The following ADCY5 variants were observed in gnomAD, a reference collection of about 807,000 sequenced individuals.
ADCY5 encodes the protein adenylate cyclase 5.
A neutral mutation model predicts 119.7 loss-of-function variants in ADCY5; 30 were observed. The ratio of observed to expected loss-of-function variants is 0.25; its 90% confidence interval spans 0.19 to 0.34. The LOEUF (loss-of-function observed/expected upper bound fraction) is 0.34, where lower values mean the gene tolerates loss of function less well. Ranked by LOEUF, ADCY5 falls within the 10% of genes least tolerant of loss-of-function variation. The probability of loss-of-function intolerance (pLI) is 1.00; values close to 1 mark genes in which losing one functional copy is unlikely to be tolerated. For missense variants in ADCY5, 1,324 were observed against 1,775.2 expected (o/e 0.75, Z 4.57); for synonymous variants, 753 against 762.2 (o/e 0.99, Z 0.20).
intron 1 of ADCY5, among the ~76,000 whole-genome samples, chr3:123,378,174 T>C (rs1324578820): frequency 2.6e-5 from 4 of 152,074 alleles, no homozygotes; most frequent in African/African-American, 9.7e-5. Flanking sequence ...AGCACCCACG[T>C]GGTCACTCAA....
At chr3:123,336,810 C>G (rs942891508) in intron 3 of ADCY5, among the ~76,000 whole-genome samples, 12 of 152,164 alleles carry the variant, frequency 7.9e-5, no homozygotes, top group African/African-American at 2.9e-4. Flanking sequence ...CCCTGCTGGA[C>G]CTTGGCAAGC....
chr3:123,373,772 G>T (rs9869970), intron 1 of ADCY5, among the ~76,000 whole-genome samples: 2 of 48,362 alleles, frequency 4.1e-5, no homozygotes, highest in Admixed American at 4.5e-4. Flanking sequence ...CCCCCCCCCC[G>T]ACCCCCCCGC....
At chr3:123,426,490 A>T (rs972141499) in intron 1 of ADCY5, among the ~76,000 whole-genome samples, 2 of 151,144 alleles carry the variant, frequency 1.3e-5, no homozygotes, top group Non-Finnish European at 2.9e-5. Context: ...AGCCAGGCTA[A>T]TTTTTTTTAA....
chr3:123,427,822 T>C (rs1168195397), intron 1 of ADCY5, among the ~76,000 whole-genome samples: 2 of 152,230 alleles, frequency 1.3e-5, no homozygotes, highest in African/African-American at 2.4e-5. Flanking sequence ...ATTTACAGGT[T>C]TGCTGTTGAG....
At chr3:123,300,855 T>G (rs945041356) in intron 14 of ADCY5, among the ~76,000 whole-genome samples, 6 of 152,230 alleles carry the variant, frequency 3.9e-5, no homozygotes, top group African/African-American at 1.4e-4. Flanking sequence ...CTAGTTATCA[T>G]CTTTATCCTG....
chr3:123,347,654 C>T, intron 3 of ADCY5, 128 bp downstream of exon 3: 1 of 1,249,950 alleles, frequency 8.0e-7, no homozygotes, highest in Non-Finnish European at 1.1e-6. Context: ...CTGGCATGCT[C>T]TAGATGACAC....
intron 1 of ADCY5, 80 bp downstream of exon 1, chr3:123,447,332 G>A (rs1945836950): frequency 1.5e-6 from 2 of 1,368,238 alleles, no homozygotes; most frequent in Middle Eastern, 2.5e-4. Flanking sequence ...GAAAGGGTGA[G>A]GGTGGGATCC....
chr3:123,370,832 C>T (rs1016350832), intron 1 of ADCY5, among the ~76,000 whole-genome samples: 3 of 152,110 alleles, frequency 2.0e-5, no homozygotes, highest in Admixed American at 6.5e-5. Context: ...CGTTCCTCCC[C>T]CACTTCCTCC....
Position 123,286,146 on chromosome 3 carries a change from A to T in ADCY5, c.3657+539T>A, listed in dbSNP as rs1246733418. Among the ~76,000 whole-genome samples the T allele has an allele frequency of 6.6e-6, 1 of 152,182 alleles. No homozygotes were observed. Among genetic ancestry groups the T allele is most frequent in the Non-Finnish European group, 1.5e-5 (1 of 68,036 alleles). On this transcript the variant is annotated intron_variant, in intron 20 of 20. Transcript: ENST00000462833. This position sits in a 1 kb window ranked among gnomAD's most constrained non-coding sequence, Gnocchi z 4.2. ...AGGCTCAAAAAGCAGCAGCTGAAGA[A>T]CAGCAGGCCGGGAAACCACAAGCCC...
intron 3 of ADCY5, among the ~76,000 whole-genome samples, chr3:123,338,308 A>AG (rs971785086): frequency 2.9e-4 from 44 of 152,300 alleles, no homozygotes; most frequent in African/African-American, 1.0e-3. Flanking sequence ...AAGCCCCCAA[A>AG]GCCTCACCAC....
In ADCY5 at chr3:123,284,442, C is replaced by T. The variant is rs1433612550; in HGVS notation, c.*166G>A. On this transcript the variant is annotated 3_prime_UTR_variant, in exon 21 of 21. Transcript: ENST00000462833. ...GCACCCCGGGGCCTGGGACAGAGGC[C>T]GCTGCCCACCAGCAAAGGCAGAAGC... The T allele has an allele frequency of 1.1e-5, 12 of 1,129,326 alleles. No homozygotes were observed. Among genetic ancestry groups the T allele is most frequent in the Middle Eastern group, 3.0e-4 (1 of 3,304 alleles). 70.0% of individuals were successfully genotyped at this position (1,129,326 alleles called of 1,614,324 possible). A position where few individuals can be genotyped will look rare whatever the true frequency, so the allele number is the denominator to read the frequency against.
intron 16 of ADCY5, 183 bp downstream of exon 16, chr3:123,297,170 A>G: frequency 7.4e-7 from 1 of 1,354,914 alleles, no homozygotes; most frequent in Non-Finnish European, 1.0e-6. Context: ...GAAAGTGACC[A>G]GGGCCTCTGC....
Position 123,408,178 on chromosome 3 carries a change from A to G in ADCY5, c.1134+39234T>C, listed in dbSNP as rs150633673. The stretch of plus-strand genomic sequence containing the variant: ...TTTGATGCCTGGGACACATTAAGCA[A>G]ATCATGGAACATCACTTCCAAGGGA... On this transcript the variant is annotated intron_variant, in intron 1 of 20. Coordinates refer to ENST00000462833, the MANE Select transcript of ADCY5 (RefSeq NM_183357.3). Among the ~76,000 whole-genome samples the G allele has an allele frequency of 1.4e-3, 217 of 152,278 alleles. 1 individual carries two copies. The East Asian group carries it at 0.022, about 15-fold the overall frequency.
At chr3:123,359,331 AATATAT>A (rs57105101) in intron 1 of ADCY5, among the ~76,000 whole-genome samples, 4,265 of 109,702 alleles carry the variant, frequency 0.039, 444 homozygotes, top group African/African-American at 0.14. Context: ...CTTATACTAA[AATATAT>A]ATATATATAT....
In ADCY5 at chr3:123,319,710, G is replaced by A; in HGVS notation, c.2220C>T (p.Phe740=). The change falls in exon 10 of 21, where the codon TTC becomes TTT. Residue 740 remains phenylalanine (F), a synonymous_variant. Transcript: ENST00000462833. ...AGTCAGGCTCCCTGAAGGTCAGGAG[G>A]AACTTGCGGACGTGCTCAGACCGAA... ...DRLRSEHVRK[F]LLTFREPDLE... The A allele has an allele frequency of 6.2e-7, 1 of 1,614,222 alleles. No homozygotes were observed. Among genetic ancestry groups the A allele is most frequent in the East Asian group, 2.2e-5 (1 of 44,878 alleles).
chr3:123,349,482 C>A (rs1371996122), intron 2 of ADCY5, among the ~76,000 whole-genome samples: 1 of 152,194 alleles, frequency 6.6e-6, no homozygotes, highest in Non-Finnish European at 1.5e-5. Context: ...GGACCGACAG[C>A]CTCCCTCTGC....
intron 1 of ADCY5, among the ~76,000 whole-genome samples, chr3:123,361,750 C>T (rs1208493622): frequency 1.3e-5 from 2 of 152,126 alleles, no homozygotes; most frequent in East Asian, 3.8e-4. Flanking sequence ...AATGAGGTAT[C>T]TTGGAGATGG....
intron 16 of ADCY5, 58 bp downstream of exon 16, chr3:123,297,295 C>T (rs1939577102): frequency 6.3e-7 from 1 of 1,596,792 alleles, no homozygotes. Flanking sequence ...CAGCTGCCCT[C>T]CCTGTCTGCT....
rs549958226 is a variant in ADCY5 at position 123,401,151 on chromosome 3, T to G, written c.1134+46261A>C. Among the ~76,000 whole-genome samples, 12 of 152,298 alleles carry G rather than the reference T, an allele frequency of 7.9e-5. No individual in the cohort carries two copies. The South Asian group carries it at 1.2e-3, about 16-fold the overall frequency. ...ACTAGAGGTGTTTGTTTTTTCTTCT[T>G]TTCTCAGTTTCCCAATATGCATAAA... On this transcript the variant is annotated intron_variant, in intron 1 of 20. Transcript: ENST00000462833.
Sources: allele counts gnomAD v4.1 joint callset (sites outside exome capture counted in the v4.1 genomes callset), GRCh38; gene constraint gnomAD v4.1.1; non-coding constraint Gnocchi (gnomAD v3.1); transcripts MANE v1.5; gene names NCBI Gene and HGNC (gene_info 2026-07-23, HGNC 2026-07-21).